The following PLCB1 variants were observed in gnomAD, a reference collection of about 807,000 sequenced individuals.
PLCB1 encodes 1-phosphatidylinositol 4,5-bisphosphate phosphodiesterase beta-1.
A neutral mutation model predicts 161.8 loss-of-function variants in PLCB1; 46 were observed. The observed-to-expected ratio is 0.28, with a 90% CI of 0.22 to 0.36. The LOEUF is 0.36. PLCB1 is among the 10% of genes least tolerant of loss of function. The pLI, the probability that PLCB1 is intolerant of heterozygous loss-of-function variation, is 1.00. For synonymous variants in PLCB1, 517 were observed against 503.7 expected, an observed-to-expected ratio of 1.03 and a Z score of -0.35; for missense variants, 1,016 against 1,472.5, an observed-to-expected ratio of 0.69 and a Z score of 5.07.
chr20:8,801,866 G>A (rs990847973), intron 31 of PLCB1, among the ~76,000 whole-genome samples: 4 of 152,166 alleles, frequency 2.6e-5, no homozygotes, highest in Non-Finnish European at 4.4e-5. Context: ...CAATTCCATT[G>A]CATGTGTGGG....
At chr20:8,632,506 G>A (rs1004789731) in intron 4 of PLCB1, among the ~76,000 whole-genome samples, 3 of 152,150 alleles carry the variant, frequency 2.0e-5, no homozygotes, top group African/African-American at 7.2e-5. Context: ...GTAAAATAAA[G>A]AAGTCAGCCA....
Position 8,672,138 on chromosome 20 carries a change from T to C in PLCB1, c.863-12794T>C, listed in dbSNP as rs554769337. On this transcript the variant is annotated intron_variant, in intron 9 of 31. Transcript: ENST00000338037. Reference sequence around the variant, plus strand: ...TGCCTGGGCTCAAATCCCAACTTACTCACTTATGAATTGTATAACCTTGAG... The same window carrying C: ...TGCCTGGGCTCAAATCCCAACTTACCCACTTATGAATTGTATAACCTTGAG... Among the ~76,000 whole-genome samples the C allele has an allele frequency of 2.0e-5, 3 of 152,296 alleles. No individual in the cohort carries two copies. The East Asian group carries it at 5.8e-4, about 29-fold the overall frequency.
chr20:8,875,954 T>C (rs1380433523), intron 31 of PLCB1, among the ~76,000 whole-genome samples: 1 of 152,158 alleles, frequency 6.6e-6, no homozygotes, highest in Non-Finnish European at 1.5e-5. Context: ...ATCTCTGCCT[T>C]TTTTAAAGAC....
At chr20:8,453,834 T>C (rs994647471) in intron 3 of PLCB1, among the ~76,000 whole-genome samples, 1 of 152,224 alleles carries the variant, frequency 6.6e-6, no homozygotes, top group African/African-American at 2.4e-5. Flanking sequence ...GTTGTATCCC[T>C]CTAAAAGGCA....
At chr20:8,879,499 T>C (rs2146334451) in intron 31 of PLCB1, among the ~76,000 whole-genome samples, 1 of 152,266 alleles carries the variant, frequency 6.6e-6, no homozygotes, top group Non-Finnish European at 1.5e-5. Flanking sequence ...AGTTCATGTA[T>C]AGTCATATGA....
At chr20:8,145,511 T>G (rs1308194173) in intron 1 of PLCB1, among the ~76,000 whole-genome samples, 1 of 152,176 alleles carries the variant, frequency 6.6e-6, no homozygotes, top group East Asian at 1.9e-4. Flanking sequence ...ACAGCTCTAG[T>G]TAGATATTGA....
At chr20:8,496,954 T>C (rs1983203638) in intron 3 of PLCB1, among the ~76,000 whole-genome samples, 1 of 152,216 alleles carries the variant, frequency 6.6e-6, no homozygotes, top group African/African-American at 2.4e-5. Context: ...GTACAGGACT[T>C]GTATAAAGAA....
intron 2 of PLCB1, among the ~76,000 whole-genome samples, chr20:8,319,733 G>T (rs1252235244): frequency 5.5e-3 from 1 of 182 alleles, no homozygotes; most frequent in Non-Finnish European, 0.011. Flanking sequence ...TGACCCCATG[G>T]AGGTGCATTA....
intron 2 of PLCB1, among the ~76,000 whole-genome samples, chr20:8,168,245 G>C (rs1263663248): frequency 2.6e-5 from 4 of 152,238 alleles, no homozygotes; most frequent in Non-Finnish European, 5.9e-5. Context: ...CATGGTTACA[G>C]TGAGAAGAAT....
chr20:8,542,947 G>A (rs986472381), intron 3 of PLCB1, among the ~76,000 whole-genome samples: 4 of 152,170 alleles, frequency 2.6e-5, no homozygotes, highest in Admixed American at 6.5e-5. Flanking sequence ...GTATTGCACA[G>A]CTATTAATAT....
At chr20:8,554,804 T>A (rs1985896138) in intron 3 of PLCB1, among the ~76,000 whole-genome samples, 1 of 152,162 alleles carries the variant, frequency 6.6e-6, no homozygotes, top group Non-Finnish European at 1.5e-5. Flanking sequence ...GAGTTCTTGC[T>A]TAATAATATT....
chr20:8,148,463 G>T (rs1167887599), intron 1 of PLCB1, among the ~76,000 whole-genome samples: 1 of 152,128 alleles, frequency 6.6e-6, no homozygotes, highest in Non-Finnish European at 1.5e-5. Context: ...GCATGTTAAG[G>T]ATGTATATAT....
At chr20:8,640,905 C>G (rs1243232064) in intron 4 of PLCB1, among the ~76,000 whole-genome samples, 1 of 152,072 alleles carries the variant, frequency 6.6e-6, no homozygotes, top group Non-Finnish European at 1.5e-5. Context: ...AGTTCATTTT[C>G]ATTTCATTTC....
chr20:8,310,327 T>G (rs1428919559), intron 2 of PLCB1, among the ~76,000 whole-genome samples: 1 of 152,232 alleles, frequency 6.6e-6, no homozygotes, highest in Non-Finnish European at 1.5e-5. Context: ...GAATACTACT[T>G]AGCAACACAA....
intron 2 of PLCB1, chr20:8,249,852 C>T (rs796979016): frequency 3.9e-5 from 6 of 152,020 alleles, no homozygotes; most frequent in African/African-American, 1.4e-4. Context: ...TGTGCCATTT[C>T]TCTGATGTGA....
At chr20:8,684,256 A>ATTTG (rs1035921468) in intron 9 of PLCB1, among the ~76,000 whole-genome samples, 4 of 150,096 alleles carry the variant, frequency 2.7e-5, no homozygotes, top group African/African-American at 7.4e-5. Flanking sequence ...TTATTTATTT[A>ATTTG]TTTATTTATT....
chr20:8,872,847 C>T (rs1477591979), intron 31 of PLCB1, among the ~76,000 whole-genome samples: 9 of 152,144 alleles, frequency 5.9e-5, no homozygotes, highest in Non-Finnish European at 1.5e-5. Context: ...GTTCAGCACT[C>T]CAACACCCGG....
intron 2 of PLCB1, among the ~76,000 whole-genome samples, chr20:8,345,263 G>A (rs1172308624): frequency 6.6e-6 from 1 of 152,036 alleles, no homozygotes; most frequent in East Asian, 1.9e-4. Flanking sequence ...TCCTTTTACT[G>A]TTTATTCTTT....
intron 3 of PLCB1, among the ~76,000 whole-genome samples, chr20:8,572,729 A>T (rs1454592016): frequency 1.3e-5 from 2 of 152,202 alleles, no homozygotes; most frequent in Non-Finnish European, 2.9e-5. Flanking sequence ...CAAAGATAAA[A>T]TGATGGAGAA....
Sources: gnomAD v4.1 joint callset for allele counts (sites outside exome capture counted in the v4.1 genomes callset) on GRCh38, gnomAD v4.1.1 for gene constraint, MANE v1.5 for transcripts, NCBI Gene and HGNC (gene_info 2026-07-23, HGNC 2026-07-21) for gene names.